The following PRTG variants were observed in gnomAD, a reference collection of about 807,000 sequenced individuals.
PRTG encodes protogenin, also known as immunoglobulin superfamily, DCC subclass, member 5.
Under a neutral mutation model 122.5 loss-of-function variants are expected in PRTG, and 67 were observed. The ratio of observed to expected loss-of-function variants is 0.55; its 90% CI spans 0.45 to 0.67. The LOEUF is 0.67. PRTG is among the 30% of genes least tolerant of loss of function. PRTG has a pLI of 0.00. For synonymous variants in PRTG, 554 were observed against 501.1 expected, an observed-to-expected ratio of 1.11 and a Z score of -1.41; for missense variants, 1,435 against 1,415.4, an observed-to-expected ratio of 1.01 and a Z score of -0.22.
intron 18 of PRTG, among the ~76,000 whole-genome samples, chr15:55,621,345 C>G (rs868333652): frequency 1.7e-4 from 24 of 143,366 alleles, no homozygotes; most frequent in African/African-American, 5.2e-4. Flanking sequence ...AGCAAGGCTC[C>G]GTCTCAAAAA....
intron 2 of PRTG, among the ~76,000 whole-genome samples, chr15:55,721,522 C>T (rs1414396031): frequency 3.9e-5 from 6 of 152,260 alleles, no homozygotes; most frequent in East Asian, 1.9e-4. Flanking sequence ...CCATACGTAC[C>T]GTGTTGTTTC....
Position 55,701,492 on chromosome 15 carries a change from C to A in PRTG, c.398-17561G>T, listed in dbSNP as rs968482446. 2.6e-5 allele frequency among the ~76,000 whole-genome samples: 4 copies of A among 152,136 alleles called. No individual in the cohort carries two copies. The East Asian group carries it at 5.8e-4, about 22-fold the overall frequency. The stretch of plus-strand genomic sequence containing the variant: ...GAGGTTGCAGTGAGCCGAGATCACG[C>A]CACTGCACCCCAGCCTGGATGACAG... On this transcript the variant is annotated intron_variant, in intron 2 of 19. Coordinates refer to ENST00000389286, the MANE Select transcript of PRTG (RefSeq NM_173814.6).
At chr15:55,721,070 C>T (rs1181140459) in intron 2 of PRTG, among the ~76,000 whole-genome samples, 7 of 152,156 alleles carry the variant, frequency 4.6e-5, no homozygotes, top group African/African-American at 1.7e-4. Context: ...TTGGTGGCAC[C>T]ACCATTTACC....
chr15:55,659,969 T>C (rs1303159935), intron 11 of PRTG, among the ~76,000 whole-genome samples: 1 of 103,696 alleles, frequency 9.6e-6, no homozygotes, highest in Non-Finnish European at 2.1e-5. Flanking sequence ...CCTGATTCAA[T>C]TTTTTAGAAC....
chr15:55,671,886 T>G (rs978839987), intron 11 of PRTG, among the ~76,000 whole-genome samples: 3 of 152,208 alleles, frequency 2.0e-5, no homozygotes, highest in African/African-American at 7.2e-5. Flanking sequence ...ATAGGAAGAC[T>G]AGGGAATAAA....
In PRTG at chr15:55,639,751, A is replaced by G. The variant is rs200168393; in HGVS notation, c.2215T>C (p.Phe739Leu). ...AATGCAGGCCTCCTCCAGTGCAGGA[A>G]GATGGAAGATGAGGTGTTAGCCTTC... ...YAKANTSSSI[F>L]LHWRRPAFTA... Residue 739 changes from phenylalanine to leucine, a missense_variant, in exon 13 of 20, where the codon TTC (phenylalanine) becomes CTC (leucine). Physicochemically the swap from Phe to Leu is conservative, Grantham distance 22. Coordinates refer to ENST00000389286, the MANE Select transcript of PRTG (RefSeq NM_173814.6). 315 of 1,614,088 alleles carry G rather than the reference A, an allele frequency of 2.0e-4. No individual in the cohort carries two copies. The highest frequency in any genetic ancestry group is 2.5e-4 in the Non-Finnish European group (299 of 1,180,026).
Position 55,742,608 on chromosome 15 carries a change from G to A in PRTG, c.94+230C>T, listed in dbSNP as rs986378689. 2.6e-5 allele frequency: 13 copies of A among 508,530 alleles called. No homozygotes were observed. The East Asian group carries it at 4.3e-4, about 17-fold the overall frequency. The allele number at this position is 508,530 out of a possible 1,614,324, so 31.5% of individuals were successfully genotyped here. ...GCGCGGCGCGGAGGGGCGTGCGCCC[G>A]GAGAAGCTCCCGCAGCCCTGCCCAA... On this transcript the variant is annotated intron_variant, in intron 1 of 19. Transcript: ENST00000389286.
intron 11 of PRTG, among the ~76,000 whole-genome samples, chr15:55,645,218 G>A (rs1352313002): frequency 6.6e-6 from 1 of 151,000 alleles, no homozygotes; most frequent in Non-Finnish European, 1.5e-5. Context: ...GGCGGATCAC[G>A]AGGTCAGGAG....
rs756686969 is a variant in PRTG at position 55,639,641 on chromosome 15, C to T, written c.2324+1G>A. On this transcript the variant is annotated splice_donor_variant, in intron 13 of 19. Transcript: ENST00000389286. LOFTEE classifies it high-confidence loss of function. ...AATAACCATTAACAGGAGCTACATA[C>T]GTTTGAAGGTACAGAACCAAAGAAG... The T allele has an allele frequency of 1.9e-6, 3 of 1,612,758 alleles. No individual in the cohort carries two copies. The highest frequency in any genetic ancestry group is 2.2e-5 in the East Asian group (1 of 44,858).
chr15:55,688,296 C>T (rs1477215307), intron 2 of PRTG, among the ~76,000 whole-genome samples: 2 of 152,094 alleles, frequency 1.3e-5, no homozygotes, highest in African/African-American at 4.8e-5. Flanking sequence ...ATTGCTGTGG[C>T]TCCTCCTTCC....
intron 2 of PRTG, among the ~76,000 whole-genome samples, chr15:55,727,398 G>A (rs914460587): frequency 1.2e-4 from 19 of 152,132 alleles, no homozygotes; most frequent in African/African-American, 4.3e-4. Context: ...TAGCCTAGAT[G>A]AAATGGACAA....
chr15:55,622,264 G>C (rs1428247456), intron 18 of PRTG, among the ~76,000 whole-genome samples: 2 of 142,356 alleles, frequency 1.4e-5, no homozygotes, highest in African/African-American at 5.2e-5. Flanking sequence ...TGTTGCCCAG[G>C]CTGGAGAATA....
intron 11 of PRTG, chr15:55,655,470 A>G (rs2059374598): frequency 1.3e-5 from 2 of 152,238 alleles, no homozygotes; most frequent in Admixed American, 1.3e-4. Flanking sequence ...ATATATTATT[A>G]TAAATATCAG....
chr15:55,662,876 GACTTA>G (rs767914981), intron 11 of PRTG, among the ~76,000 whole-genome samples: 4 of 152,194 alleles, frequency 2.6e-5, no homozygotes, highest in Non-Finnish European at 5.9e-5. Context: ...CTGGTCCACA[GACTTA>G]ACTTCCAACT....
At chr15:55,630,729 C>T (rs1390834496) in intron 15 of PRTG, among the ~76,000 whole-genome samples, 2 of 152,140 alleles carry the variant, frequency 1.3e-5, no homozygotes, top group Non-Finnish European at 2.9e-5. Context: ...CAAAAAAATT[C>T]CTACCCTAGG....
Position 55,738,017 on chromosome 15 carries a change from T to C in PRTG, c.397+2365A>G, listed in dbSNP as rs1195880423. 2.1e-3 allele frequency among the ~76,000 whole-genome samples: 246 copies of C among 114,816 alleles called. 1 individual carries two copies. Among genetic ancestry groups the C allele is most frequent in the African/African-American group, 7.0e-3 (230 of 32,652 alleles). 75.3% of individuals were successfully genotyped at this position (114,816 alleles called of 152,430 possible). A position where few individuals can be genotyped will look rare whatever the true frequency, so the allele number is the denominator to read the frequency against. ...CTCTCTCTCTCTATATATATATATA[T>C]ATATATATACACACACACACACACA... is the stretch of plus-strand genomic sequence containing the variant. On this transcript the variant is annotated intron_variant, in intron 2 of 19. Coordinates refer to ENST00000389286, the MANE Select transcript of PRTG (RefSeq NM_173814.6).
intron 2 of PRTG, among the ~76,000 whole-genome samples, chr15:55,684,831 G>A (rs961705248): frequency 6.6e-6 from 1 of 152,158 alleles, no homozygotes; most frequent in Non-Finnish European, 1.5e-5. Flanking sequence ...AGGAAAGAGA[G>A]AAGCCCAAGG....
At chr15:55,740,260 C>G (rs529796463) in intron 2 of PRTG, 122 bp downstream of exon 2, 4 of 872,894 alleles carry the variant, frequency 4.6e-6, no homozygotes, top group African/African-American at 3.4e-5. Context: ...TTAGCATCAA[C>G]TATTATCTCC....
rs369154945 is a variant in PRTG, at chr15:55,683,901, G to C, written c.428C>G (p.Ser143Cys). 1.3e-4 allele frequency: 206 copies of C among 1,613,516 alleles called. No homozygotes were observed. Among genetic ancestry groups the C allele is most frequent in the Non-Finnish European group, 1.6e-4 (191 of 1,179,798 alleles). Residue 143 changes from serine (S) to cysteine (C), a missense_variant, in exon 3 of 20, where the codon TCC (serine) becomes TGC (cysteine). Coordinates refer to ENST00000389286, the MANE Select transcript of PRTG (RefSeq NM_173814.6). ...TISAFEVQPI[S>C]TEVHEGGVAR... ...AACTCCACCTTCGTGGACCTCAGTGGAAATTGGCTGGACTTCAAATGCAGA... is the reference window on the plus strand; with the variant it reads ...AACTCCACCTTCGTGGACCTCAGTGCAAATTGGCTGGACTTCAAATGCAGA...
Sources: gnomAD v4.1 joint callset for allele counts (sites outside exome capture counted in the v4.1 genomes callset) on GRCh38, gnomAD v4.1.1 for gene constraint, MANE v1.5 for transcripts, NCBI Gene and HGNC (gene_info 2026-07-23, HGNC 2026-07-21) for gene names.